Variants in PTPRB observed in about 807,000 individuals in gnomAD.
PTPRB encodes receptor-type tyrosine-protein phosphatase beta.
A neutral mutation model predicts 238.1 loss-of-function variants in PTPRB; 97 were observed. The ratio of observed to expected loss-of-function variants is 0.41; its 90% CI spans 0.35 to 0.48. PTPRB has a LOEUF of 0.48. Among genes scored for constraint, PTPRB ranks in the 20% least tolerant of loss-of-function variants. The probability of loss-of-function intolerance (pLI) is 0.30; values close to 1 mark genes in which losing one functional copy is unlikely to be tolerated. For missense variants in PTPRB, 2,292 were observed against 2,681.9 expected (o/e 0.85, Z 3.21); for synonymous variants, 970 against 995.4 (o/e 0.97, Z 0.48).
chr12:70,564,553 C>A (rs1490425810), intron 15 of PTPRB, among the ~76,000 whole-genome samples: 1 of 150,894 alleles, frequency 6.6e-6, no homozygotes, highest in African/African-American at 2.4e-5. Context: ...GCCCCTTGAC[C>A]AGGCGTGGTG....
chr12:70,594,361 A>T, intron 6 of PTPRB, 106 bp downstream of exon 6: 1 of 1,414,244 alleles, frequency 7.1e-7, no homozygotes, highest in Non-Finnish European at 9.6e-7. Context: ...ACCTTATAAG[A>T]ATTTCAATTT....
chr12:70,629,858 C>G (rs1885368178), intron 2 of PTPRB, among the ~76,000 whole-genome samples: 1 of 152,080 alleles, frequency 6.6e-6, no homozygotes, highest in Non-Finnish European at 1.5e-5. Context: ...GAAATGGATA[C>G]ATTCCTGGAC....
intron 20 of PTPRB, 42 bp downstream of exon 20, chr12:70,555,118 C>G: frequency 2.5e-6 from 4 of 1,587,302 alleles, no homozygotes; most frequent in Non-Finnish European, 2.6e-6. Flanking sequence ...TCTGAGGAAG[C>G]AATTCTGTGT....
At chr12:70,564,518 C>CA (rs547350945) in intron 15 of PTPRB, among the ~76,000 whole-genome samples, 30,139 of 105,718 alleles carry the variant, frequency 0.29, 3,882 homozygotes, top group African/African-American at 0.35. Flanking sequence ...GACTCCATCT[C>CA]AAAAAAAAAA....
chr12:70,583,636 G>A (rs1451693402), intron 9 of PTPRB, among the ~76,000 whole-genome samples: 1 of 152,070 alleles, frequency 6.6e-6, no homozygotes, highest in Non-Finnish European at 1.5e-5. Flanking sequence ...AATACTGGAT[G>A]GAGAAAACGA....
At chr12:70,529,026 G>A (rs1426607789) in intron 32 of PTPRB, among the ~76,000 whole-genome samples, 1 of 151,906 alleles carries the variant, frequency 6.6e-6, no homozygotes, top group Non-Finnish European at 1.5e-5. Context: ...GATTAGATTT[G>A]GGTAACATGA....
At chr12:70,611,757 A>T (rs899165119) in intron 3 of PTPRB, among the ~76,000 whole-genome samples, 1 of 152,254 alleles carries the variant, frequency 6.6e-6, no homozygotes, top group Non-Finnish European at 1.5e-5. Flanking sequence ...GGTCAAACCT[A>T]GAACATCTGT....
intron 7 of PTPRB, among the ~76,000 whole-genome samples, chr12:70,591,478 G>C (rs1882483890): frequency 6.6e-6 from 1 of 152,096 alleles, no homozygotes; most frequent in Non-Finnish European, 1.5e-5. Context: ...TTTGTTGTGA[G>C]AACTAAATGA....
chr12:70,538,444 C>T, intron 27 of PTPRB: 2 of 520,858 alleles, frequency 3.8e-6, no homozygotes, highest in Non-Finnish European at 6.8e-6. Flanking sequence ...AACATGAAGC[C>T]CCATCTGTGC....
rs895634907 is a variant in PTPRB, at chr12:70,597,963, A to G, written c.980-1636T>C. Among the ~76,000 whole-genome samples the G allele has an allele frequency of 2.0e-5, 3 of 152,236 alleles. No individual in the cohort carries two copies. The East Asian group carries it at 5.8e-4, about 29-fold the overall frequency. On this transcript the variant is annotated intron_variant, in intron 4 of 33. Coordinates refer to ENST00000334414, the MANE Select transcript of PTPRB (RefSeq NM_001109754.4). ...AGTACATCATATTGCAAAATTATAT[A>G]TGCCACATTTATAACATCAATAATT...
Position 70,571,816 on chromosome 12 carries a change from C to T in PTPRB, c.3106+8G>A. ...CCAACTGTCAGATTTTGCAATCGTT[C>T]CACTTACTTGTTCTCCCATTCCCTT... On this transcript the variant is annotated splice_region_variant and intron_variant, in intron 12 of 33. Transcript: ENST00000334414. The T allele has an allele frequency of 6.2e-7, 1 of 1,602,964 alleles. No homozygotes were observed. Among genetic ancestry groups the T allele is most frequent in the South Asian group, 1.1e-5 (1 of 88,996 alleles).
chr12:70,605,495 T>C (rs912157033), intron 4 of PTPRB, among the ~76,000 whole-genome samples: 2 of 152,154 alleles, frequency 1.3e-5, no homozygotes, highest in Admixed American at 1.3e-4. Context: ...AAAACCTACT[T>C]CTTATTGCCA....
At chr12:70,532,312 T>A in intron 31 of PTPRB, 142 bp from the exon 32 acceptor site, 5 of 1,103,688 alleles carry the variant, frequency 4.5e-6, no homozygotes, top group Non-Finnish European at 5.0e-6. Flanking sequence ...CAAATAAGTT[T>A]AACCTAGAGT....
At chr12:70,523,449 CAAGAT>C (rs1339161155) in intron 33 of PTPRB, among the ~76,000 whole-genome samples, 2 of 152,142 alleles carry the variant, frequency 1.3e-5, no homozygotes, top group East Asian at 1.9e-4. Flanking sequence ...TACAGGGTCA[CAAGAT>C]AAGAACATAT....
intron 3 of PTPRB, among the ~76,000 whole-genome samples, chr12:70,614,429 G>T (rs1884592023): frequency 6.6e-6 from 1 of 151,916 alleles, no homozygotes. Context: ...TTACTTAAGT[G>T]AATTGGTGAC....
chr12:70,624,187 T>G (rs1159893146), intron 2 of PTPRB, among the ~76,000 whole-genome samples: 2 of 152,180 alleles, frequency 1.3e-5, no homozygotes, highest in Non-Finnish European at 2.9e-5. Flanking sequence ...TTCAGTATAT[T>G]TAGTGTATCC....
Position 70,519,951 on chromosome 12 carries a change from A to AT in PTPRB, c.*1537dup, listed in dbSNP as rs1405018018. ...AGAACTATTTTAGGTATAGTCAATG[A>AT]TTTTCAATTATTATGTCAATTACAT... On this transcript the variant is annotated 3_prime_UTR_variant, in exon 34 of 34. Coordinates refer to ENST00000334414, the MANE Select transcript of PTPRB (RefSeq NM_001109754.4). The AT allele has an allele frequency of 1.0e-5, 2 of 191,548 alleles. No homozygotes were observed. Among genetic ancestry groups the AT allele is most frequent in the Non-Finnish European group, 2.2e-5 (2 of 91,442 alleles). 11.9% of individuals were successfully genotyped at this position (191,548 alleles called of 1,614,324 possible).
Position 70,522,866 on chromosome 12 carries a change from T to TTC in PTPRB, c.6626-1356_6626-1355insGA, listed in dbSNP as rs1555219466. Reference sequence around the variant, plus strand: ...AGCATTCTTTTGTTTGTTTTTTCTTTTTTTTTTTTTTTTTGAGATGGACTC... The same window carrying TTC: ...AGCATTCTTTTGTTTGTTTTTTCTTTTCTTTTTTTTTTTTTTGAGATGGACTC... On this transcript the variant is annotated intron_variant, in intron 33 of 33. Coordinates refer to ENST00000334414, the MANE Select transcript of PTPRB (RefSeq NM_001109754.4). Among the ~76,000 whole-genome samples, 5 of 144,980 alleles carry TTC rather than the reference T, an allele frequency of 3.4e-5. No individual in the cohort carries two copies. In the East Asian group the frequency reaches 7.9e-4, roughly 23 times the overall value.
intron 28 of PTPRB, 122 bp from the exon 29 acceptor site, chr12:70,536,281 TACTA>T (rs927263781): frequency 8.7e-7 from 1 of 1,145,388 alleles, no homozygotes; most frequent in Admixed American, 2.5e-5. Context: ...CAGAAAAAGA[TACTA>T]ACACAAGTGT....
Sources: gnomAD v4.1 joint callset for allele counts (sites outside exome capture counted in the v4.1 genomes callset) on GRCh38, gnomAD v4.1.1 for gene constraint, MANE v1.5 for transcripts, NCBI Gene and HGNC (gene_info 2026-07-23, HGNC 2026-07-21) for gene names.